The following PRPSAP1 variants were observed in gnomAD, a reference collection of about 807,000 sequenced individuals.
PRPSAP1 encodes phosphoribosyl pyrophosphate synthase-associated protein 1.
Under a neutral mutation model 39.4 loss-of-function variants are expected in PRPSAP1, and 31 were observed. That is an observed-to-expected ratio of 0.79 (90% CI 0.59 to 1.06). The LOEUF is 1.06. PRPSAP1 is among the 50% of genes least tolerant of loss of function. The probability of loss-of-function intolerance (pLI) is 0.00; values close to 1 mark genes in which losing one functional copy is unlikely to be tolerated. For synonymous variants in PRPSAP1, 212 were observed against 192.6 expected (o/e 1.10, Z -0.83); for missense variants, 430 against 511.6 (o/e 0.84, Z 1.54).
Position 76,311,454 on chromosome 17 carries a change from C to T in PRPSAP1, c.*88G>A. 1 of 1,431,738 alleles carries T rather than the reference C, an allele frequency of 7.0e-7. No individual in the cohort carries two copies. The highest frequency in any genetic ancestry group is 1.4e-5 in the South Asian group (1 of 71,074). 88.7% of individuals were successfully genotyped at this position (1,431,738 alleles called of 1,614,324 possible). The stretch of plus-strand genomic sequence containing the variant: ...ATCTAACTCCAGGCTGTTTCGAGTC[C>T]TCCCTTGCAAGGAAACACTGTATCA... On this transcript the variant is annotated 3_prime_UTR_variant, in exon 10 of 10. Coordinates refer to ENST00000446526, the MANE Select transcript of PRPSAP1 (RefSeq NM_002766.3).
At chr17:76,328,608 C>A in intron 7 of PRPSAP1, 109 bp downstream of exon 7, 1 of 1,415,086 alleles carries the variant, frequency 7.1e-7, no homozygotes, top group South Asian at 1.3e-5. Flanking sequence ...GACTCCATCT[C>A]AAAAACAAAA....
At chr17:76,318,250 C>A (rs906143684) in intron 7 of PRPSAP1, among the ~76,000 whole-genome samples, 9 of 152,038 alleles carry the variant, frequency 5.9e-5, no homozygotes, top group African/African-American at 2.2e-4. Flanking sequence ...GAGTTAGAGA[C>A]CAGCCTGGCC....
In PRPSAP1 at chr17:76,318,397, C is replaced by T. The variant is rs566672250; in HGVS notation, c.782-4506G>A. 5.9e-5 allele frequency among the ~76,000 whole-genome samples: 9 copies of T among 152,264 alleles called. No individual in the cohort carries two copies. In the South Asian group the frequency reaches 1.7e-3, roughly 28 times the overall value. On this transcript the variant is annotated intron_variant, in intron 7 of 9. Coordinates refer to ENST00000446526, the MANE Select transcript of PRPSAP1 (RefSeq NM_002766.3). ...CCTGGGAGGCGGAGGTGGCAGTGAG[C>T]TGGGATCGCACCACTGCACTCTAGT...
Position 76,353,893 on chromosome 17 carries a change from C to A in PRPSAP1, c.-190G>T. 6.0e-6 allele frequency: 8 copies of A among 1,327,606 alleles called. No individual in the cohort carries two copies. Among genetic ancestry groups the A allele is most frequent in the Non-Finnish European group, 7.7e-6 (8 of 1,044,162 alleles). 82.2% of individuals were successfully genotyped at this position (1,327,606 alleles called of 1,614,324 possible). ...GCGGCCGAGCCTTCGCAGCGCCCGGCGCCGCCGCCTCAGAGCCAGAGGCAA... is the reference window on the plus strand; with the variant it reads ...GCGGCCGAGCCTTCGCAGCGCCCGGAGCCGCCGCCTCAGAGCCAGAGGCAA... On this transcript the variant is annotated 5_prime_UTR_variant, in exon 1 of 10. Transcript: ENST00000446526.
At position 76,312,880 on chromosome 17, in the gene PRPSAP1, G is replaced by A. The variant is rs147608626; in HGVS notation, c.989C>T (p.Ser330Phe). 5.6e-6 allele frequency: 9 copies of A among 1,613,018 alleles called. No homozygotes were observed. The East Asian group carries it at 2.0e-4, about 36-fold the overall frequency. The change falls in exon 9 of 10, where the codon TCC (serine) becomes TTC (phenylalanine). Residue 330 changes from serine (S) to phenylalanine (F), a missense_variant. By Grantham distance (155) the Ser-to-Phe change is radical (BLOSUM62 -2). Transcript: ENST00000446526. ...TAGAAGCAGCCTGACCTCGTCTACG[G>A]AGGACTCCTCAATCAGGCGAGGGGC... ...AEAPRLIEES[S>F]VDEVVVTNTV...
chr17:76,344,406 G>C (rs1409743113), intron 3 of PRPSAP1, among the ~76,000 whole-genome samples: 1 of 152,184 alleles, frequency 6.6e-6, no homozygotes, highest in Non-Finnish European at 1.5e-5. Flanking sequence ...TGGGATTACA[G>C]GCGTGAGCCA....
intron 7 of PRPSAP1, among the ~76,000 whole-genome samples, chr17:76,315,760 G>A (rs1049900890): frequency 7.6e-6 from 1 of 131,306 alleles, no homozygotes; most frequent in Non-Finnish European, 1.5e-5. Context: ...TGTCTCCCAG[G>A]CTGGAGTGCA....
intron 5 of PRPSAP1, 64 bp downstream of exon 5, chr17:76,330,487 A>G: frequency 7.9e-7 from 1 of 1,259,314 alleles, no homozygotes; most frequent in South Asian, 1.3e-5. Context: ...GAAATCTGAT[A>G]CCAGAGAAAA....
chr17:76,333,402 A>G (rs7503030), intron 3 of PRPSAP1, among the ~76,000 whole-genome samples: 46,695 of 151,870 alleles, frequency 0.31, 8,423 homozygotes, highest in African/African-American at 0.5. Flanking sequence ...GACCCACTAT[A>G]CCCAGCTGGA....
chr17:76,332,098 A>G (rs2071327657), intron 4 of PRPSAP1, among the ~76,000 whole-genome samples, 165 bp downstream of exon 4: 1 of 152,054 alleles, frequency 6.6e-6, no homozygotes, highest in Non-Finnish European at 1.5e-5. Flanking sequence ...CGAATAAGGG[A>G]AAAAAAAGAA....
chr17:76,313,519 G>A lies in PRPSAP1; in HGVS notation c.852+302C>T, dbSNP rs1247801212. On this transcript the variant is annotated intron_variant, in intron 8 of 9. Transcript: ENST00000446526. Reference sequence around the variant, plus strand: ...ACAGCTCATCTTCAGTTCATCTTTCGGCCCTAACGCTCAAGCATGATTAGG... The same window carrying A: ...ACAGCTCATCTTCAGTTCATCTTTCAGCCCTAACGCTCAAGCATGATTAGG... 9 of 353,142 alleles carry A rather than the reference G, an allele frequency of 2.5e-5. No homozygotes were observed. In the South Asian group the frequency reaches 3.2e-4, roughly 13 times the overall value. 21.9% of individuals were successfully genotyped at this position (353,142 alleles called of 1,614,324 possible).
chr17:76,319,679 G>C (rs991751632), intron 7 of PRPSAP1, among the ~76,000 whole-genome samples: 12 of 151,398 alleles, frequency 7.9e-5, no homozygotes, highest in African/African-American at 2.7e-4. Flanking sequence ...GTGTTGGCCA[G>C]GCTGACCTCG....
chr17:76,330,563 A>G lies in PRPSAP1; in HGVS notation c.567T>C (p.Tyr189=), dbSNP rs745983531. The change falls in exon 5 of 10, where the codon TAT becomes TAC. Residue 189 remains tyrosine, a synonymous_variant. Coordinates refer to ENST00000446526, the MANE Select transcript of PRPSAP1 (RefSeq NM_002766.3). The part of the protein sequence containing the change: ...NLRASPFLLQ[Y]IQEEIPNYRN... ...GGTGGTTCCTCACTTCTTCCTGGATATACTGAAGCAGGAAAGGTGAGGCTC... is the reference window on the plus strand; with the variant it reads ...GGTGGTTCCTCACTTCTTCCTGGATGTACTGAAGCAGGAAAGGTGAGGCTC... The G allele has an allele frequency of 8.7e-6, 14 of 1,602,130 alleles. No homozygotes were observed. The South Asian group carries it at 1.5e-4, about 18-fold the overall frequency.
Position 76,353,614 on chromosome 17 carries a change from C to A in PRPSAP1, c.90G>T (p.Met30Ile). 6.4e-7 allele frequency: 1 copy of A among 1,555,784 alleles called. No individual in the cohort carries two copies. ...PRARPVPPPA[M>I]NAARTGYRVF... ...CTCGGTAGCCGGTGCGAGCGGCGTTCATGGCCGGCGGGGGAACGGGGCGGG... is the reference window on the plus strand; with the variant it reads ...CTCGGTAGCCGGTGCGAGCGGCGTTAATGGCCGGCGGGGGAACGGGGCGGG... The change falls in exon 1 of 10, where the codon ATG (methionine) becomes ATT (isoleucine). Residue 30 changes from methionine (M) to isoleucine (I), a missense_variant. By Grantham distance (10) the Met-to-Ile change is conservative. This residue lies in a region of PRPSAP1 where 152 missense variants were observed against 135.2 expected (regional missense o/e 1.12). Transcript: ENST00000446526.
intron 7 of PRPSAP1, among the ~76,000 whole-genome samples, chr17:76,319,725 T>C (rs1444636686): frequency 2.0e-5 from 3 of 151,744 alleles, no homozygotes; most frequent in Admixed American, 6.6e-5. Flanking sequence ...AGTGCTGGGA[T>C]TACAGGCGTG....
chr17:76,350,468 G>A (rs111880703), intron 1 of PRPSAP1, among the ~76,000 whole-genome samples: 9 of 152,014 alleles, frequency 5.9e-5, no homozygotes, highest in East Asian at 1.9e-4. Context: ...ATTCTGGTAC[G>A]TGCTATGACA....
At chr17:76,322,548 G>A (rs1214066155) in intron 7 of PRPSAP1, among the ~76,000 whole-genome samples, 1 of 152,122 alleles carries the variant, frequency 6.6e-6, no homozygotes, top group African/African-American at 2.4e-5. Flanking sequence ...ATTATTAAGA[G>A]TAATAACAAT....
intron 7 of PRPSAP1, among the ~76,000 whole-genome samples, chr17:76,322,001 C>T (rs889250654): frequency 6.6e-6 from 1 of 152,192 alleles, no homozygotes. Context: ...GAAGCCGTTT[C>T]CGTGACCTAA....
rs780389858 is a variant in PRPSAP1, at chr17:76,328,702, C to A, written c.781+15G>T. 1 of 1,607,218 alleles carries A rather than the reference C, an allele frequency of 6.2e-7. No individual in the cohort carries two copies. The highest frequency in any genetic ancestry group is 1.3e-5 in the African/African-American group (1 of 74,458). ...TCAATTTACAAATAAAATAAAAACA[C>A]AGAGCTCATCTTACATGGCAACTCC... On this transcript the variant is annotated intron_variant, in intron 7 of 9. Coordinates refer to ENST00000446526, the MANE Select transcript of PRPSAP1 (RefSeq NM_002766.3).
Sources: allele counts gnomAD v4.1 joint callset (sites outside exome capture counted in the v4.1 genomes callset), GRCh38; gene constraint gnomAD v4.1.1; regional missense constraint gnomAD v4.1.1; transcripts MANE v1.5; gene names NCBI Gene and HGNC (gene_info 2026-07-23, HGNC 2026-07-21).